The following PTPRB variants were observed in gnomAD, a reference collection of about 807,000 sequenced individuals.
PTPRB encodes the protein receptor-type tyrosine-protein phosphatase beta.
A neutral mutation model predicts 238.1 loss-of-function variants in PTPRB; 97 were observed. That is an observed-to-expected ratio of 0.41 (90% confidence interval 0.35 to 0.48). PTPRB has a LOEUF of 0.48. PTPRB is among the 20% of genes least tolerant of loss of function. The pLI, the probability that PTPRB is intolerant of heterozygous loss-of-function variation, is 0.30. For synonymous variants in PTPRB, 970 were observed against 995.4 expected (o/e 0.97, Z 0.48); for missense variants, 2,292 against 2,681.9 (o/e 0.85, Z 3.21).
chr12:70,607,295 T>A (rs537269626), intron 4 of PTPRB, among the ~76,000 whole-genome samples: 2 of 152,356 alleles, frequency 1.3e-5, no homozygotes, highest in South Asian at 4.1e-4. Context: ...CAAATTGCTC[T>A]GCTCCACTGA....
intron 1 of PTPRB, 84 bp downstream of exon 1, chr12:70,637,257 C>T (rs1381780967): frequency 3.1e-6 from 4 of 1,310,598 alleles, no homozygotes; most frequent in Non-Finnish European, 4.3e-6. Flanking sequence ...CCCCTTCTAC[C>T]TTATTTCAGA....
In PTPRB at chr12:70,534,929, C is replaced by G. The variant is rs369428514; in HGVS notation, c.6108G>C (p.Ala2036=). The G allele has an allele frequency of 3.5e-5, 57 of 1,613,660 alleles. No homozygotes were observed. The Admixed American group carries it at 9.5e-4, about 27-fold the overall frequency. ...GRVKCDHYWP[A]DQDSLYYGDL... ...CCCCATAGTAGAGGGAATCCTGGTC[C>G]GCTGGCCAGTAATGATCACACTTTA... Residue 2036 remains alanine (A), a synonymous_variant, in exon 30 of 34, where the codon GCG becomes GCC. Coordinates refer to ENST00000334414, the MANE Select transcript of PTPRB (RefSeq NM_001109754.4).
chr12:70,609,636 CAGA>C, intron 3 of PTPRB: 1 of 1,041,104 alleles, frequency 9.6e-7, no homozygotes, highest in Non-Finnish European at 1.4e-6. Flanking sequence ...CTTCCCAAGG[CAGA>C]AGAAGAAATT....
chr12:70,571,655 A>G (rs1162823110), intron 12 of PTPRB, among the ~76,000 whole-genome samples, 169 bp downstream of exon 12: 1 of 152,222 alleles, frequency 6.6e-6, no homozygotes, highest in African/African-American at 2.4e-5. Flanking sequence ...CTACCAATAA[A>G]TATTCTGTAA....
At chr12:70,533,386 G>A (rs1873596082) in intron 31 of PTPRB, among the ~76,000 whole-genome samples, 3 of 152,150 alleles carry the variant, frequency 2.0e-5, no homozygotes, top group South Asian at 4.1e-4. Flanking sequence ...TTCTCTTACT[G>A]CTGCAGTTCC....
chr12:70,579,621 A>G (rs1264454468), intron 10 of PTPRB, among the ~76,000 whole-genome samples: 5 of 148,570 alleles, frequency 3.4e-5, no homozygotes, highest in African/African-American at 1.2e-4. Context: ...CGCTTGAACC[A>G]GGGAGTCGGA....
chr12:70,592,933 C>CT (rs973171403), intron 6 of PTPRB, among the ~76,000 whole-genome samples: 1 of 152,150 alleles, frequency 6.6e-6, no homozygotes, highest in African/African-American at 2.4e-5. Flanking sequence ...TACAATGGTC[C>CT]TTTCCAGTTC....
intron 26 of PTPRB, 87 bp downstream of exon 26, chr12:70,539,538 A>G (rs1044263185): frequency 9.1e-7 from 1 of 1,095,782 alleles, no homozygotes; most frequent in South Asian, 1.4e-5. Context: ...TCTGAGCTCA[A>G]TCAGCCTATG....
At chr12:70,609,839 G>A (rs777510898) in intron 3 of PTPRB, 1 of 1,565,398 alleles carries the variant, frequency 6.4e-7, no homozygotes, top group Non-Finnish European at 8.7e-7. Flanking sequence ...AAGATCCAGA[G>A]GAGACCGAGG....
chr12:70,609,134 G>C lies in PTPRB; in HGVS notation c.914C>G (p.Ala305Gly), dbSNP rs964037373. 4 of 1,613,794 alleles carry C rather than the reference G, an allele frequency of 2.5e-6. No individual in the cohort carries two copies. The highest frequency in any genetic ancestry group is 2.7e-5 in the African/African-American group (2 of 74,922). Reference protein sequence around the residue: ...TYGCNLQDLQAGTIYNFRIIS... With the variant: ...TYGCNLQDLQGGTIYNFRIIS... Reference sequence around the variant, plus strand: ...AATCCTGAAGTTATAGATGGTTCCTGCTTGTAAATCTTGAAGGTTACATCC... The same window carrying C: ...AATCCTGAAGTTATAGATGGTTCCTCCTTGTAAATCTTGAAGGTTACATCC... Residue 305 changes from alanine to glycine, a missense_variant, in exon 4 of 34, where the codon GCA (alanine) becomes GGA (glycine). Physicochemically the swap from Ala to Gly is moderately conservative, Grantham distance 60. Transcript: ENST00000334414.
At chr12:70,609,721 AG>A in intron 3 of PTPRB, 2 of 1,522,398 alleles carry the variant, frequency 1.3e-6, no homozygotes, top group East Asian at 2.5e-5. Flanking sequence ...TTCGGCGGGG[AG>A]GGGGCGCATC....
intron 32 of PTPRB, chr12:70,527,763 T>C (rs1872628405): frequency 6.6e-6 from 1 of 152,216 alleles, no homozygotes; most frequent in Non-Finnish European, 1.5e-5. Flanking sequence ...ACTGTCACCA[T>C]GGACCCAGAA....
At chr12:70,523,819 C>G (rs1189679395) in intron 33 of PTPRB, among the ~76,000 whole-genome samples, 1 of 151,754 alleles carries the variant, frequency 6.6e-6, no homozygotes, top group Non-Finnish European at 1.5e-5. Context: ...CTCTTCTTTT[C>G]TTTTCTTTTT....
At chr12:70,600,631 A>G (rs546568898) in intron 4 of PTPRB, among the ~76,000 whole-genome samples, 1 of 151,840 alleles carries the variant, frequency 6.6e-6, no homozygotes, top group African/African-American at 2.4e-5. Context: ...TTTTTTCCTT[A>G]TTTTATTGCC....
chr12:70,523,624 G>A (rs1439906446), intron 33 of PTPRB, among the ~76,000 whole-genome samples: 1 of 152,066 alleles, frequency 6.6e-6, no homozygotes, highest in African/African-American at 2.4e-5. Flanking sequence ...CAGCTAGGCT[G>A]GAAGAGATAC....
intron 6 of PTPRB, 74 bp downstream of exon 6, chr12:70,594,393 T>C: frequency 6.4e-7 from 1 of 1,551,616 alleles, no homozygotes; most frequent in Non-Finnish European, 8.8e-7. Context: ...CAGTTATTCA[T>C]ATAATAAACT....
intron 4 of PTPRB, among the ~76,000 whole-genome samples, chr12:70,603,322 G>T (rs7300035): frequency 4.0e-5 from 6 of 151,884 alleles, no homozygotes; most frequent in African/African-American, 1.5e-4. Flanking sequence ...ATAGTGACTC[G>T]CAATTGCTTC....
In PTPRB at chr12:70,594,566, A is replaced by G; in HGVS notation, c.1417T>C (p.Tyr473His). ...GGVVDKHATS[Y>H]AFHGLTPGYL... ...CCAGGGGTCAGCCCGTGAAAAGCAT[A>G]GGAAGTAGCATGTTTGTCCACAACA... The change falls in exon 6 of 34, where the codon TAT becomes CAT. Residue 473 changes from tyrosine (Y) to histidine (H), a missense_variant. Around this residue, in one of 4 missense-constraint regions of PTPRB, gnomAD observed 1,205 missense variants for 1,287.8 expected, o/e 0.94. Transcript: ENST00000334414. 1 of 1,614,034 alleles carries G rather than the reference A, an allele frequency of 6.2e-7. No individual in the cohort carries two copies. Among genetic ancestry groups the G allele is most frequent in the Non-Finnish European group, 8.5e-7 (1 of 1,179,896 alleles).
At chr12:70,623,039 T>C (rs561418300) in intron 2 of PTPRB, among the ~76,000 whole-genome samples, 43 of 152,172 alleles carry the variant, frequency 2.8e-4, no homozygotes, top group Non-Finnish European at 5.6e-4. Context: ...TGTACTTTTC[T>C]TCTGTGGGGT....
Sources: gnomAD v4.1 joint callset for allele counts (sites outside exome capture counted in the v4.1 genomes callset) on GRCh38, gnomAD v4.1.1 for gene constraint, gnomAD v4.1.1 regional missense constraint, MANE v1.5 for transcripts, NCBI Gene and HGNC (gene_info 2026-07-23, HGNC 2026-07-21) for gene names.